NEGR1: variants seen among roughly 807,000 people sequenced by gnomAD.
NEGR1 encodes the protein neuronal growth regulator 1.
NEGR1 carries 10 observed loss-of-function variants against 40.9 expected under a neutral mutation model. The ratio of observed to expected loss-of-function variants is 0.24; its 90% CI spans 0.15 to 0.42. The LOEUF is 0.42. Among genes scored for constraint, NEGR1 ranks in the 10% least tolerant of loss-of-function variants. The pLI is 1.00. For missense variants in NEGR1, 352 were observed against 438.9 expected, an observed-to-expected ratio of 0.80 and a Z score of 1.77; for synonymous variants, 185 against 166.8, an observed-to-expected ratio of 1.11 and a Z score of -0.84.
At chr1:71,596,195 A>G (rs2101525728) in intron 5 of NEGR1, among the ~76,000 whole-genome samples, 1 of 152,294 alleles carries the variant, frequency 6.6e-6, no homozygotes, top group African/African-American at 2.4e-5. Context: ...TAGGGAATAT[A>G]GTTATAAGAT....
At chr1:71,451,350 T>TTTTTTTTTTTTTTAG (rs1646626701) in intron 6 of NEGR1, among the ~76,000 whole-genome samples, 1 of 151,258 alleles carries the variant, frequency 6.6e-6, no homozygotes, top group African/African-American at 2.4e-5. Flanking sequence ...TTTTTTTTTT[T>TTTTTTTTTTTTTTAG]GAGTCAAAGT....
intron 6 of NEGR1, among the ~76,000 whole-genome samples, chr1:71,575,246 G>T (rs1648925719): frequency 6.6e-6 from 1 of 152,186 alleles, no homozygotes; most frequent in Non-Finnish European, 1.5e-5. Flanking sequence ...AGTTGCTTCT[G>T]CCTCCAACCA....
At chr1:71,795,838 A>G (rs1657304751) in intron 2 of NEGR1, among the ~76,000 whole-genome samples, 1 of 152,208 alleles carries the variant, frequency 6.6e-6, no homozygotes, top group African/African-American at 2.4e-5. Flanking sequence ...ATTATTATTT[A>G]GAAACTAAAA....
At chr1:71,527,972 C>T (rs997131684) in intron 6 of NEGR1, among the ~76,000 whole-genome samples, 3 of 151,174 alleles carry the variant, frequency 2.0e-5, no homozygotes, top group African/African-American at 7.3e-5. Context: ...AGACACAACC[C>T]AATGTAAAGC....
chr1:71,803,511 T>C (rs1657637685), intron 2 of NEGR1, among the ~76,000 whole-genome samples: 1 of 152,178 alleles, frequency 6.6e-6, no homozygotes, highest in Non-Finnish European at 1.5e-5. Flanking sequence ...TATAATCTAT[T>C]ACTATTTTTC....
intron 4 of NEGR1, among the ~76,000 whole-genome samples, chr1:71,662,249 G>A (rs2422020): frequency 0.47 from 71,764 of 152,036 alleles, 17,010 homozygotes; most frequent in Middle Eastern, 0.54. Flanking sequence ...CACAATAATT[G>A]GGAAAGAATT....
At chr1:71,740,276 A>G (rs1347714212) in intron 3 of NEGR1, among the ~76,000 whole-genome samples, 1 of 152,304 alleles carries the variant, frequency 6.6e-6, no homozygotes, top group East Asian at 1.9e-4. Flanking sequence ...GATAGTTCTC[A>G]GTAAATGGTG....
At chr1:72,049,009 A>G (rs1010589779) in intron 1 of NEGR1, among the ~76,000 whole-genome samples, 14 of 151,560 alleles carry the variant, frequency 9.2e-5, no homozygotes, top group South Asian at 2.1e-4. Flanking sequence ...ATAATGAAAT[A>G]GGAAATTTGG....
At chr1:71,951,300 C>G (rs1446125657) in intron 1 of NEGR1, among the ~76,000 whole-genome samples, 1 of 151,916 alleles carries the variant, frequency 6.6e-6, no homozygotes, top group Non-Finnish European at 1.5e-5. Context: ...CTAACAGATG[C>G]TCGGTGGCCC....
intron 5 of NEGR1, 76 bp from the exon 6 acceptor site, chr1:71,593,044 T>C: frequency 1.6e-5 from 16 of 1,008,636 alleles, no homozygotes; most frequent in Non-Finnish European, 2.0e-5. Context: ...GCTGGGGTTG[T>C]CATGGCAACC....
chr1:72,002,616 C>A (rs1408207881), intron 1 of NEGR1, among the ~76,000 whole-genome samples: 2 of 151,982 alleles, frequency 1.3e-5, no homozygotes, highest in Non-Finnish European at 2.9e-5. Flanking sequence ...AAATGTTCAA[C>A]AGGAGTTTAA....
chr1:72,066,824 C>T (rs1248665193), intron 1 of NEGR1, among the ~76,000 whole-genome samples: 3 of 152,064 alleles, frequency 2.0e-5, no homozygotes, highest in African/African-American at 7.2e-5. Context: ...TGTTATGGCG[C>T]TCCTATCAGA....
chr1:71,497,207 T>C (rs534555730), intron 6 of NEGR1, among the ~76,000 whole-genome samples: 27 of 152,304 alleles, frequency 1.8e-4, no homozygotes, highest in Admixed American at 1.7e-3. Context: ...GTTTTTTCTA[T>C]TCCTGATGTT....
At chr1:72,106,453 TA>T (rs1230664685) in intron 1 of NEGR1, among the ~76,000 whole-genome samples, 1 of 152,036 alleles carries the variant, frequency 6.6e-6, no homozygotes, top group African/African-American at 2.4e-5. Context: ...CTTCAGTAGA[TA>T]TTGCTAGCTC....
At chr1:72,069,080 T>C (rs1184744392) in intron 1 of NEGR1, among the ~76,000 whole-genome samples, 1 of 152,044 alleles carries the variant, frequency 6.6e-6, no homozygotes. Context: ...CCTAAAAGGA[T>C]TTCTTTATAG....
chr1:71,553,644 T>C (rs1648157469), intron 6 of NEGR1, among the ~76,000 whole-genome samples: 1 of 151,596 alleles, frequency 6.6e-6, no homozygotes, highest in African/African-American at 2.4e-5. Flanking sequence ...GCTATAACAG[T>C]ATCTATCCTT....
chr1:72,169,393 A>T (rs1651883581), intron 1 of NEGR1, among the ~76,000 whole-genome samples: 1 of 152,198 alleles, frequency 6.6e-6, no homozygotes, highest in Non-Finnish European at 1.5e-5. Context: ...AATTTATTAC[A>T]CTATATATTA....
intron 1 of NEGR1, among the ~76,000 whole-genome samples, chr1:72,133,590 TTGAAA>T (rs1426654056): frequency 3.9e-5 from 6 of 151,940 alleles, no homozygotes; most frequent in African/African-American, 1.2e-4. Context: ...GACATTGTGG[TTGAAA>T]TTCCCTCATA....
chr1:72,143,804 T>A (rs1650773944), intron 1 of NEGR1, among the ~76,000 whole-genome samples: 1 of 147,666 alleles, frequency 6.8e-6, no homozygotes, highest in Non-Finnish European at 1.5e-5. Context: ...ATATTTTAAA[T>A]TGAGCTGTGT....
Sources: allele counts gnomAD v4.1 joint callset (sites outside exome capture counted in the v4.1 genomes callset), GRCh38; gene constraint gnomAD v4.1.1; transcripts MANE v1.5; gene names NCBI Gene and HGNC (gene_info 2026-07-23, HGNC 2026-07-21).